Variants in FADS1 observed in about 807,000 individuals in gnomAD.
FADS1 encodes the protein acyl-CoA (8-3)-desaturase.
In FADS1, 17 loss-of-function variants were observed where a neutral mutation model predicts 61.6. The ratio of observed to expected loss-of-function variants is 0.28; its 90% CI spans 0.19 to 0.41. The LOEUF is 0.41. FADS1 is among the 10% of genes least tolerant of loss of function. FADS1 has a pLI of 1.00. For missense variants in FADS1, 387 were observed against 650.9 expected (o/e 0.59, Z 4.41); for synonymous variants, 238 against 258.7 (o/e 0.92, Z 0.77).
At chr11:61,808,681 C>G (rs781153516) in intron 5 of FADS1, among the ~76,000 whole-genome samples, 5 of 152,178 alleles carry the variant, frequency 3.3e-5, no homozygotes, top group Non-Finnish European at 7.3e-5. Context: ...CAATAGGAAG[C>G]CCCCAAGCAA....
At position 61,816,970 on chromosome 11, in the gene FADS1, CG is replaced by C; in HGVS notation, c.-42del. 1.5e-6 allele frequency: 2 copies of C among 1,368,720 alleles called. No homozygotes were observed. The highest frequency in any genetic ancestry group is 1.9e-6 in the Non-Finnish European group (2 of 1,068,948). 84.8% of individuals were successfully genotyped at this position (1,368,720 alleles called of 1,614,324 possible). A position where few individuals can be genotyped will look rare whatever the true frequency, so the allele number is the denominator to read the frequency against. On this transcript the variant is annotated 5_prime_UTR_variant, in exon 1 of 12. Transcript: ENST00000350997. The surrounding 1 kb of genome is among the most constrained non-coding windows in gnomAD (Gnocchi z 7.0). ...GCGCGGGGAGCGAGATCCCGTCCCCCGGTGGGTCTTGGGCAACTCACAGCTG... is the reference window on the plus strand; with the variant it reads ...GCGCGGGGAGCGAGATCCCGTCCCCCGTGGGTCTTGGGCAACTCACAGCTG...
intron 1 of FADS1, 38 bp from the exon 2 acceptor site, chr11:61,813,391 A>T (rs202171216): frequency 7.9e-7 from 1 of 1,272,184 alleles, no homozygotes; most frequent in African/African-American, 1.5e-5. Flanking sequence ...TGAGGGAGCC[A>T]GCCCCCTGGA....
In FADS1 at chr11:61,812,597, A is replaced by T. The variant is rs1251130153; in HGVS notation, c.558T>A (p.His186Gln). ...GCAGCAGGTACAGCAGGAAGAAGAC[A>T]TGGTTGGCCTTCATGAGCCCCATCC... ...VERMGLMKAN[H>Q]VFFLLYLLHI... The change falls in exon 3 of 12, where the codon CAT (histidine) becomes CAA (glutamine). Residue 186 changes from histidine to glutamine, a missense_variant. Physicochemically the swap from His to Gln is conservative, Grantham distance 24 (BLOSUM62 0). Coordinates refer to ENST00000350997, the MANE Select transcript of FADS1 (RefSeq NM_013402.7). 6.2e-7 allele frequency: 1 copy of T among 1,614,132 alleles called. No homozygotes were observed. Among genetic ancestry groups the T allele is most frequent in the Non-Finnish European group, 8.5e-7 (1 of 1,180,002 alleles).
In FADS1 at chr11:61,810,876, C is replaced by T; in HGVS notation, c.790G>A (p.Ala264Thr). ...ATGTGGTTCCACCAACTGGCGGGGG[C>T]CCCCTACAGAAAAGCAGGGACACGA... ...HHFVIGHLKG[A>T]PASWWNHMHF... The change falls in exon 5 of 12, where the codon GCC becomes ACC. Residue 264 changes from alanine to threonine, a missense_variant. Ala to Thr is a moderately conservative substitution (Grantham distance 58). Transcript: ENST00000350997. The T allele has an allele frequency of 6.2e-7, 1 of 1,614,144 alleles. No homozygotes were observed. Among genetic ancestry groups the T allele is most frequent in the Non-Finnish European group, 8.5e-7 (1 of 1,180,016 alleles).
At chr11:61,811,209 C>T (rs1318850628) in intron 3 of FADS1, 134 bp from the exon 4 acceptor site, 1 of 655,782 alleles carries the variant, frequency 1.5e-6, no homozygotes, top group Non-Finnish European at 2.7e-6. Flanking sequence ...AGTCAGGAAA[C>T]ATGGGTCCTA....
At position 61,802,869 on chromosome 11, in the gene FADS1, G is replaced by A; in HGVS notation, c.1386C>T (p.Ser462=). Residue 462 remains serine (S), a synonymous_variant, in exon 11 of 12, where the codon TCC becomes TCT. Coordinates refer to ENST00000350997, the MANE Select transcript of FADS1 (RefSeq NM_013402.7). This position sits in a 1 kb window ranked among gnomAD's most constrained non-coding sequence, Gnocchi z 4.2. ...NYHKVAPLVQ[S]LCAKHGIEYQ... ...ACTCTATGCCATGCTTGGCACACAA[G>A]GACTGCACCAGGGGAGCCACTTTGT... 1 of 1,614,184 alleles carries A rather than the reference G, an allele frequency of 6.2e-7. No individual in the cohort carries two copies. Among genetic ancestry groups the A allele is most frequent in the Non-Finnish European group, 8.5e-7 (1 of 1,180,034 alleles).
Position 61,812,500 on chromosome 11 carries a change from G to A in FADS1, c.655C>T (p.Leu219Phe), listed in dbSNP as rs1278067305. The A allele has an allele frequency of 1.2e-6, 2 of 1,614,058 alleles. No homozygotes were observed. Among genetic ancestry groups the A allele is most frequent in the Admixed American group, 3.3e-5 (2 of 60,020 alleles). ...VFGTSFLPFLLCAVLLSAVQA... is the reference protein window; with the variant it reads ...VFGTSFLPFLFCAVLLSAVQA... ...ACTGCACTGAGCAGCACCGCACAGAGGAGGAAGGGCAAAAAGGACGTCCCA... is the reference window on the plus strand; with the variant it reads ...ACTGCACTGAGCAGCACCGCACAGAAGAGGAAGGGCAAAAAGGACGTCCCA... Residue 219 changes from leucine (L) to phenylalanine (F), a missense_variant, in exon 3 of 12, where the codon CTC becomes TTC. This residue lies in a region of FADS1 where 257 missense variants were observed against 533.3 expected (regional missense o/e 0.48). Coordinates refer to ENST00000350997, the MANE Select transcript of FADS1 (RefSeq NM_013402.7).
rs1173702515 is a variant in FADS1, at chr11:61,803,892, CAG to C, written c.1054-127_1054-126del. On this transcript the variant is annotated intron_variant, in intron 7 of 11. Transcript: ENST00000350997. This position sits in a 1 kb window ranked among gnomAD's most constrained non-coding sequence, Gnocchi z 4.3. ...CCAGACTCACTCATCTTCAGCTTCTCAGGGGTCCAATCCTGCAGTATCTAGTG... is the reference window on the plus strand; with the variant it reads ...CCAGACTCACTCATCTTCAGCTTCTCGGGTCCAATCCTGCAGTATCTAGTG... 8.3e-6 allele frequency: 6 copies of C among 722,152 alleles called. No homozygotes were observed. Among genetic ancestry groups the C allele is most frequent in the Non-Finnish European group, 9.7e-6 (4 of 412,366 alleles). 44.7% of individuals were successfully genotyped at this position (722,152 alleles called of 1,614,324 possible). A position where few individuals can be genotyped will look rare whatever the true frequency, so the allele number is the denominator to read the frequency against.
intron 3 of FADS1, among the ~76,000 whole-genome samples, chr11:61,811,310 C>A (rs2066929424): frequency 6.8e-6 from 1 of 148,046 alleles, no homozygotes; most frequent in African/African-American, 2.5e-5. Context: ...AAGCTCATGA[C>A]TTTTTTTTTT....
Position 61,804,752 on chromosome 11 carries a change from G to A in FADS1, c.986C>T (p.Pro329Leu). The change falls in exon 7 of 12, where the codon CCA becomes CTA. Residue 329 changes from proline to leucine, a missense_variant. Coordinates refer to ENST00000350997, the MANE Select transcript of FADS1 (RefSeq NM_013402.7). Reference protein sequence around the residue: ...QHKYFFLIGPPALLPLYFQWY... With the variant: ...QHKYFFLIGPLALLPLYFQWY... ...CTGGAAGTAGAGAGGCAGCAAGGCT[G>A]GGGGCCCAACTGGGGAGGAAACCGA... 6.2e-7 allele frequency: 1 copy of A among 1,613,834 alleles called. No individual in the cohort carries two copies. Among genetic ancestry groups the A allele is most frequent in the Non-Finnish European group, 8.5e-7 (1 of 1,179,818 alleles).
intron 6 of FADS1, 96 bp from the exon 7 acceptor site, chr11:61,804,857 G>C: frequency 9.6e-7 from 1 of 1,037,350 alleles, no homozygotes. Flanking sequence ...GCAGGGGGCT[G>C]CCTCTTCCAA....
chr11:61,816,232 C>G lies in FADS1; in HGVS notation c.375+323G>C, dbSNP rs1373107150. ...TTGCTCTCCTCCCTCCTAGCCTACC[C>G]AGCTCGGGGTTCTGTCCCCGCCCAG... On this transcript the variant is annotated intron_variant, in intron 1 of 11. Coordinates refer to ENST00000350997, the MANE Select transcript of FADS1 (RefSeq NM_013402.7). The surrounding 1 kb of genome is among the most constrained non-coding windows in gnomAD (Gnocchi z 7.0). 1 of 1,593,536 alleles carries G rather than the reference C, an allele frequency of 6.3e-7. No individual in the cohort carries two copies. The highest frequency in any genetic ancestry group is 8.5e-7 in the Non-Finnish European group (1 of 1,176,850).
chr11:61,816,909 C>T lies in FADS1; in HGVS notation c.21G>A (p.Arg7=). The change falls in exon 1 of 12, where the codon AGG becomes AGA. Residue 7 remains arginine (R), a synonymous_variant. Transcript: ENST00000350997. The surrounding 1 kb of genome is among the most constrained non-coding windows in gnomAD (Gnocchi z 7.0). The part of the protein sequence containing the change: MGTRAA[R]PAGLPCGAEN... Reference sequence around the variant, plus strand: ...CAGCACCGCAGGGCAGACCGGCGGGCCTCGCAGCGCGCGTTCCCATTGGCC... The same window carrying T: ...CAGCACCGCAGGGCAGACCGGCGGGTCTCGCAGCGCGCGTTCCCATTGGCC... 7.1e-7 allele frequency: 1 copy of T among 1,407,162 alleles called. No individual in the cohort carries two copies. The highest frequency in any genetic ancestry group is 1.5e-5 in the South Asian group (1 of 65,264). 87.2% of individuals were successfully genotyped at this position (1,407,162 alleles called of 1,614,324 possible).
chr11:61,805,254 G>A (rs531986275), intron 6 of FADS1: 2 of 164,380 alleles, frequency 1.2e-5, no homozygotes, highest in South Asian at 4.0e-4. Context: ...AGGAAAGTGT[G>A]TGTGTGTTGG....
At chr11:61,810,188 C>T (rs967856053) in intron 5 of FADS1, among the ~76,000 whole-genome samples, 3 of 152,196 alleles carry the variant, frequency 2.0e-5, no homozygotes, top group African/African-American at 7.2e-5. Context: ...TTTCTGCTTA[C>T]AACTTCAGAC....
At chr11:61,805,689 T>G (rs1444330377) in intron 6 of FADS1, 1 of 152,180 alleles carries the variant, frequency 6.6e-6, no homozygotes, top group Non-Finnish European at 1.5e-5. Flanking sequence ...TTTAAAAAAT[T>G]TGAAAATTTA....
chr11:61,813,382 G>T, intron 1 of FADS1, 29 bp from the exon 2 acceptor site: 1 of 1,365,882 alleles, frequency 7.3e-7, no homozygotes. Context: ...GATGAAAGGT[G>T]AGGGAGCCAG....
chr11:61,815,554 G>C lies in FADS1; in HGVS notation c.375+1001C>G, dbSNP rs2066973852. Reference sequence around the variant, plus strand: ...GGCACGGGATCAGAGGGGGATGCAAGGGGAGGGGACGCCATTCTGGCCGCC... The same window carrying C: ...GGCACGGGATCAGAGGGGGATGCAACGGGAGGGGACGCCATTCTGGCCGCC... On this transcript the variant is annotated intron_variant, in intron 1 of 11. Coordinates refer to ENST00000350997, the MANE Select transcript of FADS1 (RefSeq NM_013402.7). The surrounding 1 kb of genome is among the most constrained non-coding windows in gnomAD (Gnocchi z 6.4). The C allele has an allele frequency of 6.5e-6, 1 of 152,854 alleles. No homozygotes were observed. Among genetic ancestry groups the C allele is most frequent in the African/African-American group, 2.4e-5 (1 of 41,472 alleles). The allele number at this position is 152,854 out of a possible 1,614,324, so 9.5% of individuals were successfully genotyped here. A position where few individuals can be genotyped will look rare whatever the true frequency, so the allele number is the denominator to read the frequency against.
chr11:61,809,020 T>TA (rs2066914535), intron 5 of FADS1, among the ~76,000 whole-genome samples: 1 of 152,216 alleles, frequency 6.6e-6, no homozygotes, highest in South Asian at 2.1e-4. Flanking sequence ...CCAAACTTCT[T>TA]ACCACACCCT....
Sources: gnomAD v4.1 joint callset for allele counts (sites outside exome capture counted in the v4.1 genomes callset) on GRCh38, gnomAD v4.1.1 for gene constraint, gnomAD v4.1.1 regional missense constraint, Gnocchi (gnomAD v3.1) non-coding constraint, MANE v1.5 for transcripts, NCBI Gene and HGNC (gene_info 2026-07-23, HGNC 2026-07-21) for gene names.